Variants in MAP2 observed in about 807,000 individuals in gnomAD.
MAP2 encodes microtubule-associated protein 2.
Under a neutral mutation model 137.6 loss-of-function variants are expected in MAP2, and 14 were observed. The ratio of observed to expected loss-of-function variants is 0.10; its 90% CI spans 0.07 to 0.16. The LOEUF is 0.16. Among genes scored for constraint, MAP2 ranks in the 10% least tolerant of loss-of-function variants. MAP2 has a pLI of 1.00. For missense variants in MAP2, 2,088 were observed against 2,191.5 expected, an observed-to-expected ratio of 0.95 and a Z score of 0.94; for synonymous variants, 786 against 782.3, an observed-to-expected ratio of 1.00 and a Z score of -0.08.
intron 1 of MAP2, among the ~76,000 whole-genome samples, chr2:209,495,100 T>C (rs13002255): frequency 0.058 from 8,870 of 152,330 alleles, 293 homozygotes; most frequent in South Asian, 0.092. Context: ...CCCAGCACAG[T>C]GCCGTAAGCT....
At chr2:209,615,407 A>C (rs2088870811) in intron 3 of MAP2, among the ~76,000 whole-genome samples, 1 of 152,212 alleles carries the variant, frequency 6.6e-6, no homozygotes, top group Non-Finnish European at 1.5e-5. Context: ...AGTTGAAGCC[A>C]AGAAACCACA....
intron 1 of MAP2, among the ~76,000 whole-genome samples, chr2:209,455,260 G>C (rs1199530479): frequency 6.6e-6 from 1 of 152,142 alleles, no homozygotes; most frequent in Non-Finnish European, 1.5e-5. Context: ...TACAAATGAA[G>C]AAACTGACAT....
intron 5 of MAP2, among the ~76,000 whole-genome samples, chr2:209,676,777 C>A (rs2051944507): frequency 7.9e-6 from 1 of 126,024 alleles, no homozygotes; most frequent in African/African-American, 3.2e-5. Flanking sequence ...ATATATCTCC[C>A]AATTTCTGCC....
At chr2:209,488,866 G>A (rs767487839) in intron 1 of MAP2, among the ~76,000 whole-genome samples, 1 of 152,210 alleles carries the variant, frequency 6.6e-6, no homozygotes, top group Non-Finnish European at 1.5e-5. Flanking sequence ...TACAGCTTCA[G>A]CCGACTTAAA....
chr2:209,697,096 ATT>A, intron 10 of MAP2, 45 bp downstream of exon 10: 5 of 1,441,042 alleles, frequency 3.5e-6, no homozygotes, highest in Admixed American at 2.5e-5. Flanking sequence ...ATAGACATGT[ATT>A]TTTTTTTTAA....
intron 1 of MAP2, among the ~76,000 whole-genome samples, chr2:209,452,540 T>C (rs933087216): frequency 6.6e-6 from 1 of 152,220 alleles, no homozygotes; most frequent in African/African-American, 2.4e-5. Context: ...CCATTTTCTT[T>C]TTGCCTCTGA....
rs748468525 is a variant in MAP2 at position 209,725,718 on chromosome 2, G to A, written c.5083G>A (p.Val1695Ile). The change falls in exon 14 of 16, where the codon GTT becomes ATT. Residue 1695 changes from valine (V) to isoleucine (I), a missense_variant. Val to Ile is a conservative substitution (Grantham distance 29). Coordinates refer to ENST00000682079, the MANE Select transcript of MAP2 (RefSeq NM_001375505.1). ...TATGTGGTTCACATAGGTACAAATT[G>A]TTACCAAGAAAATAGACCTAAGCCA... The part of the protein sequence containing the change: ...YQPKGGQVQI[V>I]TKKIDLSHVT... The A allele has an allele frequency of 1.2e-6, 2 of 1,600,402 alleles. No homozygotes were observed. The highest frequency in any genetic ancestry group is 1.1e-5 in the South Asian group (1 of 88,500).
chr2:209,521,993 G>A (rs1264124095), intron 2 of MAP2, among the ~76,000 whole-genome samples: 2 of 151,980 alleles, frequency 1.3e-5, no homozygotes, highest in Admixed American at 1.3e-4. Context: ...AGAAAGTATT[G>A]TTTTCATAAA....
intron 4 of MAP2, among the ~76,000 whole-genome samples, chr2:209,645,065 C>A (rs1581910099): frequency 1.3e-5 from 2 of 152,260 alleles, no homozygotes; most frequent in South Asian, 2.1e-4. Flanking sequence ...CTTGTGTCTG[C>A]AAGCCCTCAG....
rs545814568 is a variant in MAP2, at chr2:209,543,052, T to C, written c.-172+35411T>C. On this transcript the variant is annotated intron_variant, in intron 2 of 15. Transcript: ENST00000682079. Reference sequence around the variant, plus strand: ...TGCCTGCCTCACTAAACTTAGTCATTCCTAGTTTTTTATTTAAAGTGAGAG... The same window carrying C: ...TGCCTGCCTCACTAAACTTAGTCATCCCTAGTTTTTTATTTAAAGTGAGAG... 5.9e-5 allele frequency among the ~76,000 whole-genome samples: 9 copies of C among 152,338 alleles called. No individual in the cohort carries two copies. In the South Asian group the frequency reaches 1.9e-3, roughly 32 times the overall value.
At chr2:209,444,168 C>A (rs1337962761) in intron 1 of MAP2, among the ~76,000 whole-genome samples, 2 of 151,334 alleles carry the variant, frequency 1.3e-5, no homozygotes, top group African/African-American at 2.4e-5. Flanking sequence ...ACCATTAACA[C>A]CAGCAAAGTA....
intron 4 of MAP2, among the ~76,000 whole-genome samples, chr2:209,642,146 A>G (rs1406052621): frequency 6.6e-6 from 1 of 152,144 alleles, no homozygotes; most frequent in Non-Finnish European, 1.5e-5. Flanking sequence ...ATTTTCAAAT[A>G]AAAACCATAA....
intron 2 of MAP2, among the ~76,000 whole-genome samples, chr2:209,574,456 C>G (rs935299361): frequency 5.9e-5 from 9 of 152,048 alleles, no homozygotes; most frequent in Non-Finnish European, 8.8e-5. Context: ...CACACACACA[C>G]ACACAGACAC....
chr2:209,598,887 G>A (rs2082180135), intron 3 of MAP2, among the ~76,000 whole-genome samples: 1 of 150,808 alleles, frequency 6.6e-6, no homozygotes, highest in Non-Finnish European at 1.5e-5. Context: ...TTGCTATTGT[G>A]AATAATGCCG....
intron 4 of MAP2, among the ~76,000 whole-genome samples, chr2:209,628,078 A>G (rs1189266386): frequency 1.3e-5 from 2 of 152,022 alleles, no homozygotes; most frequent in African/African-American, 2.4e-5. Context: ...GAATTCACAT[A>G]TTTTTCGGCC....
rs2060221847 is a variant in MAP2, at chr2:209,696,485, CTT to C, written c.4181-56_4181-55del. The C allele has an allele frequency of 2.6e-6, 4 of 1,512,002 alleles. No individual in the cohort carries two copies. In the South Asian group the frequency reaches 4.9e-5, roughly 19 times the overall value. 93.7% of individuals were successfully genotyped at this position (1,512,002 alleles called of 1,614,324 possible). A position where few individuals can be genotyped will look rare whatever the true frequency, so the allele number is the denominator to read the frequency against. On this transcript the variant is annotated intron_variant, in intron 8 of 15. Transcript: ENST00000682079. ...TTAAATATACAAAGGATTTTGTACA[CTT>C]GTTACTAATGTTTTCACTGTTGTTG... is the stretch of plus-strand genomic sequence containing the variant.
intron 4 of MAP2, among the ~76,000 whole-genome samples, chr2:209,634,143 T>C (rs1459789439): frequency 6.6e-6 from 1 of 152,134 alleles, no homozygotes; most frequent in Non-Finnish European, 1.5e-5. Context: ...CTCTCACTTC[T>C]CCCACTCCAC....
In MAP2 at chr2:209,596,831, C is replaced by T. The variant is rs557056910; in HGVS notation, c.-107+16731C>T. Among the ~76,000 whole-genome samples, 8 of 152,276 alleles carry T rather than the reference C, an allele frequency of 5.3e-5. No individual in the cohort carries two copies. In the East Asian group the frequency reaches 9.6e-4, roughly 18 times the overall value. On this transcript the variant is annotated intron_variant, in intron 3 of 15. Coordinates refer to ENST00000682079, the MANE Select transcript of MAP2 (RefSeq NM_001375505.1). ...TGTTGCAAAAAGCTGGCACAATTTA[C>T]AAGTCTTTTTTCTAACTCATACCTA...
chr2:209,474,791 A>AT (rs1706747216), intron 1 of MAP2, among the ~76,000 whole-genome samples: 1 of 152,084 alleles, frequency 6.6e-6, no homozygotes, highest in South Asian at 2.1e-4. Context: ...ATACATGGAG[A>AT]TTGTTACTAT....
Sources: gnomAD v4.1 joint callset for allele counts (sites outside exome capture counted in the v4.1 genomes callset) on GRCh38, gnomAD v4.1.1 for gene constraint, MANE v1.5 for transcripts, NCBI Gene and HGNC (gene_info 2026-07-23, HGNC 2026-07-21) for gene names.